ZNF669: variants seen among roughly 807,000 people sequenced by gnomAD.
The protein encoded by ZNF669 is zinc finger protein 669.
ZNF669 carries 7 observed loss-of-function variants against 11.4 expected under a neutral mutation model. The observed-to-expected ratio is 0.62, with a 90% CI of 0.35 to 1.16. ZNF669 has a LOEUF of 1.16. Ranked by LOEUF, ZNF669 falls within the 50% of genes most tolerant of loss-of-function variation. The pLI is 0.02. For missense variants in ZNF669, 492 were observed against 463.6 expected, an observed-to-expected ratio of 1.06 and a Z score of -0.56; for synonymous variants, 153 against 155.8, an observed-to-expected ratio of 0.98 and a Z score of 0.13.
chr1:247,102,286 C>G (rs914266734), intron 1 of ZNF669, among the ~76,000 whole-genome samples, 173 bp from the exon 2 acceptor site: 1 of 152,202 alleles, frequency 6.6e-6, no homozygotes, highest in African/African-American at 2.4e-5. Flanking sequence ...CACAGCAGTA[C>G]TAATGCTAGA....
rs1671694270 is a variant in ZNF669, at chr1:247,100,455, T to A, written c.1056A>T (p.Arg352Ser). The A allele has an allele frequency of 6.2e-7, 1 of 1,614,234 alleles. No homozygotes were observed. Among genetic ancestry groups the A allele is most frequent in the Admixed American group, 1.7e-5 (1 of 60,030 alleles). The stretch of plus-strand genomic sequence containing the variant: ...TACACCCAGCCTCTATATCATGACT[T>A]CTTTCATGGCGAGTAAGGTGACTGG... The part of the protein sequence containing the change: ...TRSSHLTRHE[R>S]SHDIEAGCSD... The change falls in exon 4 of 4, where the codon AGA becomes AGT. Residue 352 changes from arginine (R) to serine (S), a missense_variant. Physicochemically the swap from Arg to Ser is moderately radical, Grantham distance 110. Coordinates refer to ENST00000448299, the MANE Select transcript of ZNF669 (RefSeq NM_001142572.2).
At chr1:247,104,127 C>A in intron 1 of ZNF669, 70 bp downstream of exon 1, 1 of 1,589,522 alleles carries the variant, frequency 6.3e-7, no homozygotes, top group East Asian at 2.3e-5. Context: ...CGTGGAGGCC[C>A]GAGTCGCGCC....
Position 247,104,003 on chromosome 1 carries a change from C to T in ZNF669, c.3+194G>A, listed in dbSNP as rs1311345038. On this transcript the variant is annotated intron_variant, in intron 1 of 3. Coordinates refer to ENST00000448299, the MANE Select transcript of ZNF669 (RefSeq NM_001142572.2). The stretch of plus-strand genomic sequence containing the variant: ...CCGGCGGAAGTGGCGCCCGCAGGTA[C>T]AGACAGGATGCAGGGGTTCCGCTGC... 3.7e-6 allele frequency: 6 copies of T among 1,601,708 alleles called. No individual in the cohort carries two copies. Among genetic ancestry groups the T allele is most frequent in the Non-Finnish European group, 5.1e-6 (6 of 1,176,036 alleles).
In ZNF669 at chr1:247,100,592, T is replaced by C; in HGVS notation, c.919A>G (p.Lys307Glu). The change falls in exon 4 of 4, where the codon AAA becomes GAA. Residue 307 changes from lysine (K) to glutamate (E), a missense_variant. Transcript: ENST00000448299. ...THTGEKPYEC[K>E]QCDQAFSRLS... ...CGACTGAAGGCTTGATCACATTGTTTACATTCATAGGGTTTCTCTCCGGTA... is the reference window on the plus strand; with the variant it reads ...CGACTGAAGGCTTGATCACATTGTTCACATTCATAGGGTTTCTCTCCGGTA... The C allele has an allele frequency of 6.2e-7, 1 of 1,614,206 alleles. No homozygotes were observed. Among genetic ancestry groups the C allele is most frequent in the Non-Finnish European group, 8.5e-7 (1 of 1,180,014 alleles).
At position 247,101,061 on chromosome 1, in the gene ZNF669, A is replaced by G. The variant is rs1208486441; in HGVS notation, c.450T>C (p.Gly150=). Residue 150 remains glycine (G), a synonymous_variant, in exon 4 of 4, where the codon GGT becomes GGC. Coordinates refer to ENST00000448299, the MANE Select transcript of ZNF669 (RefSeq NM_001142572.2). The stretch of plus-strand genomic sequence containing the variant: ...TGTGCATTATCATGTGTCTTCTAAC[A>G]CCTGGAACAGAAACGAAGAATTTCC... ...QCGKFFVSVP[G]VRRHMIMHSG... The G allele has an allele frequency of 6.2e-7, 1 of 1,613,892 alleles. No homozygotes were observed. Among genetic ancestry groups the G allele is most frequent in the Non-Finnish European group, 8.5e-7 (1 of 1,180,040 alleles).
In ZNF669 at chr1:247,104,125, C is replaced by T; in HGVS notation, c.3+72G>A. 2 of 1,590,784 alleles carry T rather than the reference C, an allele frequency of 1.3e-6. 1 individual carries two copies. ...GGTTCCGGAGCCGATGGCGTGGAGG[C>T]CCGAGTCGCGCCACAGCAGGTTTCA... On this transcript the variant is annotated intron_variant, in intron 1 of 3. Transcript: ENST00000448299.
chr1:247,103,421 G>C (rs1366939925), intron 1 of ZNF669, among the ~76,000 whole-genome samples: 1 of 152,194 alleles, frequency 6.6e-6, no homozygotes, highest in African/African-American at 2.4e-5. Context: ...ATCACTTAAG[G>C]TCAGGAGTTC....
chr1:247,100,528 C>G lies in ZNF669; in HGVS notation c.983G>C (p.Gly328Ala), dbSNP rs754100120. The G allele has an allele frequency of 6.2e-7, 1 of 1,614,196 alleles. No individual in the cohort carries two copies. The highest frequency in any genetic ancestry group is 8.5e-7 in the Non-Finnish European group (1 of 1,180,034). Residue 328 changes from glycine to alanine, a missense_variant, in exon 4 of 4, where the codon GGA becomes GCA. Coordinates refer to ENST00000448299, the MANE Select transcript of ZNF669 (RefSeq NM_001142572.2). Reference protein sequence around the residue: ...SLHLHERIHTGEKPYECKKCG... With the variant: ...SLHLHERIHTAEKPYECKKCG... ...TTTCTTACATTCATAGGGTTTTTCT[C>G]CAGTATGAATTCTTTCGTGGAGGTG...
chr1:247,100,801 G>A lies in ZNF669; in HGVS notation c.710C>T (p.Thr237Met), dbSNP rs200379677. Residue 237 changes from threonine to methionine, a missense_variant, in exon 4 of 4, where the codon ACG becomes ATG. Transcript: ENST00000448299. ...KTFRFSCSFK[T>M]HERTHTGERP... ...TTCTCCAGTGTGAGTCCTTTCATGC[G>A]TCTTAAAAGAACAAGAAAATCTGAA... 1.5e-4 allele frequency: 245 copies of A among 1,613,788 alleles called. No individual in the cohort carries two copies. In the South Asian group the frequency reaches 2.0e-3, roughly 13 times the overall value.
At chr1:247,104,066 G>A in intron 1 of ZNF669, 131 bp downstream of exon 1, 5 of 1,583,016 alleles carry the variant, frequency 3.2e-6, no homozygotes, top group Non-Finnish European at 4.3e-6. Context: ...GAAGAGGACT[G>A]AGCCCCGGCT....
rs139833969 is a variant in ZNF669, at chr1:247,104,190, C to T, written c.3+7G>A. The T allele has an allele frequency of 3.0e-5, 46 of 1,523,878 alleles. No individual in the cohort carries two copies. In the Admixed American group the frequency reaches 8.9e-4, roughly 30 times the overall value. The allele number at this position is 1,523,878 out of a possible 1,614,324, so 94.4% of individuals were successfully genotyped here. On this transcript the variant is annotated splice_region_variant and intron_variant, in intron 1 of 3. Coordinates refer to ENST00000448299, the MANE Select transcript of ZNF669 (RefSeq NM_001142572.2). ...CCACTTCGGGAAGCCAGGCGCAGTC[C>T]ACTCACCATTCCTCGGCTTCCCGGG...
In ZNF669 at chr1:247,100,009, G is replaced by C. The variant is rs113546795; in HGVS notation, c.*365C>G. 4,204 of 176,780 alleles carry C rather than the reference G, an allele frequency of 0.024. 205 individuals are homozygous for C. The highest frequency in any genetic ancestry group is 0.094 in the African/African-American group (3,941 of 42,148). The allele number at this position is 176,780 out of a possible 1,614,324, so 11.0% of individuals were successfully genotyped here. A position where few individuals can be genotyped will look rare whatever the true frequency, so the allele number is the denominator to read the frequency against. ...TTATTTTATCTTATTTTTTGAGACA[G>C]AGTCTCACTCTGTCACCCAGGCTGA... On this transcript the variant is annotated 3_prime_UTR_variant, in exon 4 of 4. Transcript: ENST00000448299.
At chr1:247,102,518 G>C (rs1671744835) in intron 1 of ZNF669, among the ~76,000 whole-genome samples, 2 of 152,194 alleles carry the variant, frequency 1.3e-5, no homozygotes, top group Admixed American at 6.5e-5. Flanking sequence ...ATCTTTGTTT[G>C]TATTAGTAAC....
rs1671800529 is a variant in ZNF669, at chr1:247,104,336, C to T, written c.-137G>A. The T allele has an allele frequency of 1.1e-5, 14 of 1,231,772 alleles. No homozygotes were observed. Among genetic ancestry groups the T allele is most frequent in the Non-Finnish European group, 1.4e-5 (13 of 939,546 alleles). 76.3% of individuals were successfully genotyped at this position (1,231,772 alleles called of 1,614,324 possible). On this transcript the variant is annotated 5_prime_UTR_variant, in exon 1 of 4. Coordinates refer to ENST00000448299, the MANE Select transcript of ZNF669 (RefSeq NM_001142572.2). ...AGCAGCGGAGACTAACAGGAAGAGC[C>T]GGCTCCGGCGAAGGAGAGACAAAGC...
intron 1 of ZNF669, chr1:247,103,889 A>G: frequency 6.5e-7 from 1 of 1,527,018 alleles, no homozygotes; most frequent in Non-Finnish European, 8.8e-7. Context: ...GCACACCGAG[A>G]CACCGAGTCG....
Position 247,103,855 on chromosome 1 carries a change from C to T in ZNF669, c.3+342G>A. 2.1e-6 allele frequency: 3 copies of T among 1,458,644 alleles called. No homozygotes were observed. The South Asian group carries it at 4.2e-5, about 20-fold the overall frequency. 90.4% of individuals were successfully genotyped at this position (1,458,644 alleles called of 1,614,324 possible). The stretch of plus-strand genomic sequence containing the variant: ...GTGGGACTGGAAGCCCCATGAACCA[C>T]AGCTCCTCCCATGCTGGAACCCCGC... On this transcript the variant is annotated intron_variant, in intron 1 of 3. Transcript: ENST00000448299.
intron 1 of ZNF669, among the ~76,000 whole-genome samples, chr1:247,102,714 C>T (rs529830155): frequency 6.6e-6 from 1 of 152,300 alleles, no homozygotes; most frequent in South Asian, 2.1e-4. Flanking sequence ...ATGAGTTTCC[C>T]TGGTAGACAA....
rs527866674 is a variant in ZNF669, at chr1:247,100,080, G to A, written c.*294C>T. ...GCTCACTGCAAGTTCCGCCTCCCGG[G>A]TTCATGCCATTCTCCTGCCTCAGCC... On this transcript the variant is annotated 3_prime_UTR_variant, in exon 4 of 4. Transcript: ENST00000448299. 1.8e-5 allele frequency: 5 copies of A among 280,976 alleles called. No homozygotes were observed. In the South Asian group the frequency reaches 2.1e-4, roughly 12 times the overall value. 17.4% of individuals were successfully genotyped at this position (280,976 alleles called of 1,614,324 possible).
At position 247,101,121 on chromosome 1, in the gene ZNF669, T is replaced by C; in HGVS notation, c.390A>G (p.Pro130=). 1 of 1,614,086 alleles carries C rather than the reference T, an allele frequency of 6.2e-7. No homozygotes were observed. The highest frequency in any genetic ancestry group is 1.3e-5 in the African/African-American group (1 of 75,056). ...CACATTTATATTGCTTCTCTCCATA[T>C]GGTTTGTATCCTGAGTGAGCTAGGA... ...RHILAHSGYK[P]YGEKQYKCEQ... The change falls in exon 4 of 4, where the codon CCA becomes CCG. Residue 130 remains proline (P), a synonymous_variant. Coordinates refer to ENST00000448299, the MANE Select transcript of ZNF669 (RefSeq NM_001142572.2).
Sources: gnomAD v4.1 joint callset for allele counts (sites outside exome capture counted in the v4.1 genomes callset) on GRCh38, gnomAD v4.1.1 for gene constraint, MANE v1.5 for transcripts, NCBI Gene and HGNC (gene_info 2026-07-23, HGNC 2026-07-21) for gene names.